Variants in SLF2 observed in about 807,000 individuals in gnomAD.
SLF2 encodes SMC5/6 complex localization factor 2, also known as SMC5-SMC6 complex localization factor protein 2.
A neutral mutation model predicts 124.3 loss-of-function variants in SLF2; 68 were observed. The observed-to-expected ratio is 0.55, with a 90% CI of 0.45 to 0.67. The LOEUF is 0.67. SLF2 is among the 30% of genes least tolerant of loss of function. The pLI is 0.00. For missense variants in SLF2, 1,246 were observed against 1,373.7 expected (o/e 0.91, Z 1.47); for synonymous variants, 480 against 478.8 (o/e 1.00, Z -0.03).
intron 17 of SLF2, among the ~76,000 whole-genome samples, chr10:100,953,176 C>G (rs1850253575): frequency 6.6e-6 from 1 of 151,060 alleles, no homozygotes; most frequent in Non-Finnish European, 1.5e-5. Flanking sequence ...CCACCACATC[C>G]ACACCCAGCT....
intron 6 of SLF2, chr10:100,926,477 A>C: frequency 2.2e-6 from 1 of 461,734 alleles, no homozygotes; most frequent in South Asian, 4.0e-5. Flanking sequence ...GGTGCCACAT[A>C]CCTATGGTCC....
chr10:100,913,356 A>C, intron 1 of SLF2, 106 bp downstream of exon 1: 1 of 1,374,406 alleles, frequency 7.3e-7, no homozygotes, highest in Non-Finnish European at 9.4e-7. Context: ...CCGCGAGCTC[A>C]GGCGTTGGCA....
chr10:100,915,870 A>G (rs942569311), intron 1 of SLF2, 129 bp from the exon 2 acceptor site: 1 of 701,302 alleles, frequency 1.4e-6, no homozygotes, highest in African/African-American at 1.8e-5. Context: ...CATTGTTACC[A>G]TTGTCAGAAC....
chr10:100,957,330 A>ATTTTTT (rs71013477), intron 18 of SLF2, among the ~76,000 whole-genome samples: 2 of 91,864 alleles, frequency 2.2e-5, no homozygotes, highest in Non-Finnish European at 3.9e-5. Context: ...GGAGTCTTCA[A>ATTTTTT]TTTTTTTTTT....
At position 100,938,524 on chromosome 10, in the gene SLF2, A is replaced by G. The variant is rs115936324; in HGVS notation, c.2513-71A>G. ...TTGTAATTATTCATGTTTCACCTGC[A>G]GACTGTCACCTTGCAAATGTGGGTT... is the stretch of plus-strand genomic sequence containing the variant. On this transcript the variant is annotated intron_variant, in intron 10 of 19. Transcript: ENST00000238961. 1.1e-3 allele frequency: 1,579 copies of G among 1,445,146 alleles called. 16 individuals carry two copies. The African/African-American group carries it at 0.02, about 19-fold the overall frequency. 89.5% of individuals were successfully genotyped at this position (1,445,146 alleles called of 1,614,324 possible). A position where few individuals can be genotyped will look rare whatever the true frequency, so the allele number is the denominator to read the frequency against.
Position 100,938,687 on chromosome 10 carries a change from T to G in SLF2, c.2605T>G (p.Leu869Val). 1 of 1,613,476 alleles carries G rather than the reference T, an allele frequency of 6.2e-7. No homozygotes were observed. The highest frequency in any genetic ancestry group is 8.5e-7 in the Non-Finnish European group (1 of 1,179,854). Reference protein sequence around the residue: ...FFNMGIDFRSLFPLENLQPDF... With the variant: ...FFNMGIDFRSVFPLENLQPDF... Reference sequence around the variant, plus strand: ...CAATATGGGGATTGATTTTAGATCTTTGTTTCCCCTGGAGAATCTTCAGCC... The same window carrying G: ...CAATATGGGGATTGATTTTAGATCTGTGTTTCCCCTGGAGAATCTTCAGCC... The change falls in exon 11 of 20, where the codon TTG becomes GTG. Residue 869 changes from leucine to valine, a missense_variant. Around this residue, in one of 3 missense-constraint regions of SLF2, gnomAD observed 535 missense variants for 632.8 expected, o/e 0.85. Transcript: ENST00000238961.
intron 6 of SLF2, 55 bp downstream of exon 6, chr10:100,926,074 GCTTA>G (rs1447846546): frequency 6.2e-7 from 1 of 1,613,960 alleles, no homozygotes; most frequent in Non-Finnish European, 8.5e-7. Context: ...TGTTTGTGTG[GCTTA>G]CTTTTAATTT....
intron 17 of SLF2, among the ~76,000 whole-genome samples, chr10:100,954,644 C>T (rs1331619950): frequency 6.6e-6 from 1 of 151,858 alleles, no homozygotes; most frequent in Non-Finnish European, 1.5e-5. Context: ...TTATCTTGTT[C>T]CTATAGAAAA....
At chr10:100,950,611 G>A in intron 16 of SLF2, 65 bp from the exon 17 acceptor site, 1 of 1,392,944 alleles carries the variant, frequency 7.2e-7, no homozygotes, top group South Asian at 1.2e-5. Flanking sequence ...TTCCTAATGT[G>A]TAAATTGGAA....
intron 9 of SLF2, 110 bp from the exon 10 acceptor site, chr10:100,937,292 T>G: frequency 1.2e-6 from 1 of 818,190 alleles, no homozygotes; most frequent in South Asian, 1.3e-5. Context: ...ATTACAGGCA[T>G]GAACTGCTGC....
At chr10:100,954,906 A>G (rs994478124) in intron 17 of SLF2, among the ~76,000 whole-genome samples, 1 of 151,016 alleles carries the variant, frequency 6.6e-6, no homozygotes, top group Admixed American at 6.6e-5. Flanking sequence ...TGATCCCACC[A>G]TTGCACTCCA....
intron 9 of SLF2, among the ~76,000 whole-genome samples, chr10:100,936,748 AT>A (rs1564777733): frequency 6.6e-6 from 1 of 151,582 alleles, no homozygotes; most frequent in African/African-American, 2.4e-5. Context: ...TTGTGGTTTG[AT>A]TTTTGCATGC....
intron 11 of SLF2, among the ~76,000 whole-genome samples, chr10:100,941,960 T>C (rs1849990048): frequency 6.6e-6 from 1 of 152,202 alleles, no homozygotes; most frequent in South Asian, 2.1e-4. Context: ...GATACATTGC[T>C]AAGTGAGAAA....
intron 9 of SLF2, among the ~76,000 whole-genome samples, chr10:100,934,158 A>C (rs1849799201): frequency 6.6e-6 from 1 of 152,278 alleles, no homozygotes; most frequent in African/African-American, 2.4e-5. Flanking sequence ...TAACATAAAC[A>C]GAACATGTGA....
At position 100,961,878 on chromosome 10, in the gene SLF2, G is replaced by A; in HGVS notation, c.3488G>A (p.Gly1163Glu). ...EIIQNCRPTQ[G>E]QLHDFWVPDS ...CTTTTTTCTCCTTCCCTTTTTTAGG[G>A]GCAGCTTCATGACTTCTGGGTACCA... Residue 1163 changes from glycine to glutamate, a missense_variant and splice_region_variant, in exon 20 of 20, where the codon GGG becomes GAG. By Grantham distance (98) the Gly-to-Glu change is moderately conservative. Coordinates refer to ENST00000238961, the MANE Select transcript of SLF2 (RefSeq NM_018121.4). 1 of 1,605,652 alleles carries A rather than the reference G, an allele frequency of 6.2e-7. No homozygotes were observed. Among genetic ancestry groups the A allele is most frequent in the Non-Finnish European group, 8.5e-7 (1 of 1,174,208 alleles).
intron 9 of SLF2, among the ~76,000 whole-genome samples, chr10:100,935,586 A>G (rs544208996): frequency 6.6e-6 from 1 of 151,814 alleles, no homozygotes; most frequent in Non-Finnish European, 1.5e-5. Context: ...AGGATGAGGC[A>G]CGAGAATCGC....
chr10:100,936,872 A>C (rs1849874293), intron 9 of SLF2, among the ~76,000 whole-genome samples: 1 of 152,026 alleles, frequency 6.6e-6, no homozygotes, highest in Non-Finnish European at 1.5e-5. Context: ...TTGTAAAAAA[A>C]AAAAAAGCAG....
chr10:100,944,494 C>CAAA lies in SLF2; in HGVS notation c.2757+384_2757+386dup, dbSNP rs34072572. On this transcript the variant is annotated intron_variant, in intron 12 of 19. Coordinates refer to ENST00000238961, the MANE Select transcript of SLF2 (RefSeq NM_018121.4). ...TGGGCAACAGAGCAAGACTCTGTCT[C>CAAA]AAAAAAAAAAAAAAAAAAAACTCTC... Among the ~76,000 whole-genome samples the CAAA allele has an allele frequency of 2.9e-4, 29 of 100,474 alleles. 1 individual carries two copies. Among genetic ancestry groups the CAAA allele is most frequent in the South Asian group, 1.0e-3 (3 of 2,980 alleles). The allele number at this position is 100,474 out of a possible 152,430, so 65.9% of individuals were successfully genotyped here. A position where few individuals can be genotyped will look rare whatever the true frequency, so the allele number is the denominator to read the frequency against.
chr10:100,926,347 G>A (rs570067273), intron 6 of SLF2: 1,115 of 1,367,940 alleles, frequency 8.2e-4, no homozygotes, highest in Non-Finnish European at 9.5e-4. Flanking sequence ...GCTCATGCCT[G>A]TAATCCAGTA....
Sources: gnomAD v4.1 joint callset for allele counts (sites outside exome capture counted in the v4.1 genomes callset) on GRCh38, gnomAD v4.1.1 for gene constraint, gnomAD v4.1.1 regional missense constraint, MANE v1.5 for transcripts, NCBI Gene and HGNC (gene_info 2026-07-23, HGNC 2026-07-21) for gene names.